The following ALDH4A1 variants were observed in gnomAD, a reference collection of about 807,000 sequenced individuals.
ALDH4A1 encodes the protein delta-1-pyrroline-5-carboxylate dehydrogenase, mitochondrial.
ALDH4A1 carries 46 observed loss-of-function variants against 70.5 expected under a neutral mutation model. That is an observed-to-expected ratio of 0.65 (90% CI 0.51 to 0.83). ALDH4A1 has a LOEUF of 0.83. Ranked by LOEUF, ALDH4A1 falls within the 40% of genes least tolerant of loss-of-function variation. The pLI is 0.00. For synonymous variants in ALDH4A1, 323 were observed against 324.3 expected, an observed-to-expected ratio of 1.00 and a Z score of 0.04; for missense variants, 749 against 766.5, an observed-to-expected ratio of 0.98 and a Z score of 0.27.
At position 18,876,433 on chromosome 1, in the gene ALDH4A1, G is replaced by A. The variant is rs568701898; in HGVS notation, c.1220C>T (p.Ala407Val). The change falls in exon 12 of 15, where the codon GCA becomes GTA. Residue 407 changes from alanine (A) to valine (V), a missense_variant. Ala to Val is a moderately conservative substitution (Grantham distance 64). Coordinates refer to ENST00000375341, the MANE Select transcript of ALDH4A1 (RefSeq NM_003748.4). ...GATGGTGAGGCTGGGTGAGGAGCGT[G>A]CGTGCTCCAGCCACTTCTTGATACG... ...FARIKKWLEHARSSPSLTILA... is the reference protein window; with the variant it reads ...FARIKKWLEHVRSSPSLTILA... 23 of 1,604,168 alleles carry A rather than the reference G, an allele frequency of 1.4e-5. No homozygotes were observed. Among genetic ancestry groups the A allele is most frequent in the Admixed American group, 3.4e-5 (2 of 59,006 alleles).
intron 5 of ALDH4A1, among the ~76,000 whole-genome samples, chr1:18,884,162 C>T (rs984911055): frequency 1.3e-5 from 2 of 152,204 alleles, no homozygotes; most frequent in Non-Finnish European, 2.9e-5. Context: ...AGGCCAAATA[C>T]AGAGAAAGCC....
intron 1 of ALDH4A1, among the ~76,000 whole-genome samples, chr1:18,897,412 G>A (rs151008209): frequency 0.014 from 2,205 of 152,268 alleles, 56 homozygotes; most frequent in African/African-American, 0.051. Flanking sequence ...ACGTGGTGGC[G>A]TGTGCCTGTA....
intron 1 of ALDH4A1, among the ~76,000 whole-genome samples, chr1:18,894,637 C>G (rs972812780): frequency 1.3e-5 from 2 of 152,180 alleles, no homozygotes; most frequent in African/African-American, 4.8e-5. Context: ...CCTCCCTCCT[C>G]CTTCCACAGG....
At chr1:18,877,127 G>A in intron 11 of ALDH4A1, 81 bp downstream of exon 11, 2 of 1,535,164 alleles carry the variant, frequency 1.3e-6, no homozygotes, top group South Asian at 2.4e-5. Flanking sequence ...CCTGGGTCAG[G>A]GTACCCTGTA....
chr1:18,899,838 A>G (rs1935741985), intron 1 of ALDH4A1, among the ~76,000 whole-genome samples: 2 of 152,230 alleles, frequency 1.3e-5, no homozygotes, highest in Non-Finnish European at 1.5e-5. Context: ...TTGACAAGGA[A>G]GGGCTCACAT....
At position 18,872,971 on chromosome 1, in the gene ALDH4A1, A is replaced by G. The variant is rs1229126353; in HGVS notation, c.1580-14T>C. 6.2e-7 allele frequency: 1 copy of G among 1,608,096 alleles called. No homozygotes were observed. Among genetic ancestry groups the G allele is most frequent in the Admixed American group, 1.7e-5 (1 of 60,012 alleles). On this transcript the variant is annotated splice_polypyrimidine_tract_variant and intron_variant, in intron 14 of 14. Transcript: ENST00000375341. ...TGTCATTGGTTCCTGCGGAAAAGAC[A>G]CTTCTGTTTTTCTCTGAAAAGATGC...
intron 7 of ALDH4A1, 113 bp downstream of exon 7, chr1:18,883,011 T>C (rs1935043958): frequency 2.8e-6 from 4 of 1,415,714 alleles, no homozygotes; most frequent in Non-Finnish European, 4.0e-6. Flanking sequence ...CCACCTTCTG[T>C]GCCTCTCCCC....
chr1:18,876,216 C>A, intron 12 of ALDH4A1, 99 bp downstream of exon 12: 1 of 1,496,692 alleles, frequency 6.7e-7, no homozygotes, highest in Non-Finnish European at 9.2e-7. Flanking sequence ...TTTAGGGCCT[C>A]ATCTGTGAAA....
intron 1 of ALDH4A1, among the ~76,000 whole-genome samples, chr1:18,897,480 T>G (rs1041119630): frequency 6.6e-6 from 1 of 152,132 alleles, no homozygotes; most frequent in Non-Finnish European, 1.5e-5. Flanking sequence ...GAGGTGAAGG[T>G]TGCAGTGAGC....
chr1:18,879,438 C>A, intron 8 of ALDH4A1, 65 bp from the exon 9 acceptor site: 2 of 1,439,644 alleles, frequency 1.4e-6, no homozygotes, highest in East Asian at 4.7e-5. Flanking sequence ...CGGAAAAGCC[C>A]AGGGAGGAGC....
chr1:18,883,934 G>A (rs1223863832), intron 5 of ALDH4A1, among the ~76,000 whole-genome samples: 2 of 152,172 alleles, frequency 1.3e-5, no homozygotes, highest in East Asian at 1.9e-4. Flanking sequence ...ACCAAGAGGC[G>A]AGTGACTGTG....
At chr1:18,877,698 T>A in intron 9 of ALDH4A1, 86 bp from the exon 10 acceptor site, 1 of 1,492,408 alleles carries the variant, frequency 6.7e-7, no homozygotes. Context: ...ACGCCATCCA[T>A]GGCCCGGGAC....
At chr1:18,878,870 C>T (rs940429856) in intron 9 of ALDH4A1, among the ~76,000 whole-genome samples, 6 of 152,204 alleles carry the variant, frequency 3.9e-5, no homozygotes, top group African/African-American at 1.4e-4. Context: ...CTCCTACCAG[C>T]CCTCCTCCCT....
chr1:18,886,579 G>A, intron 3 of ALDH4A1, 68 bp from the exon 4 acceptor site: 1 of 1,558,056 alleles, frequency 6.4e-7, no homozygotes. Flanking sequence ...AAGAGGACTG[G>A]ACTCAGAGCC....
chr1:18,883,057 CTCTG>C lies in ALDH4A1; in HGVS notation c.678+63_678+66del, dbSNP rs1217075580. 6.6e-5 allele frequency: 106 copies of C among 1,605,992 alleles called. 2 individuals carry two copies. In the South Asian group the frequency reaches 8.0e-4, roughly 12 times the overall value. Reference sequence around the variant, plus strand: ...TGAGACCCAAGGGGCTCAGGGTGGCCTCTGTCTGTCTGTTGGGACCAGGAGGACA... The same window carrying C: ...TGAGACCCAAGGGGCTCAGGGTGGCCTCTGTCTGTTGGGACCAGGAGGACA... On this transcript the variant is annotated intron_variant, in intron 7 of 14. Transcript: ENST00000375341.
chr1:18,902,543 T>G lies in ALDH4A1; in HGVS notation c.-20A>C. The G allele has an allele frequency of 6.7e-7, 1 of 1,481,808 alleles. No homozygotes were observed. Among genetic ancestry groups the G allele is most frequent in the Non-Finnish European group, 9.0e-7 (1 of 1,116,202 alleles). The allele number at this position is 1,481,808 out of a possible 1,614,324, so 91.8% of individuals were successfully genotyped here. On this transcript the variant is annotated 5_prime_UTR_variant, in exon 1 of 15. Coordinates refer to ENST00000375341, the MANE Select transcript of ALDH4A1 (RefSeq NM_003748.4). The stretch of plus-strand genomic sequence containing the variant: ...CAGCATCTCGGGTTAGAAGCGGGGC[T>G]GTTCGCTGGATCGTCCGCCCGGGCG...
At chr1:18,881,658 G>T (rs370737207) in intron 8 of ALDH4A1, 42 bp downstream of exon 8, 1 of 853,194 alleles carries the variant, frequency 1.2e-6, no homozygotes, top group Non-Finnish European at 1.6e-6. Flanking sequence ...GCAGGTGAAC[G>T]TCCCCTAGCC....
intron 1 of ALDH4A1, chr1:18,900,888 G>A (rs77287547): frequency 0.031 from 30,202 of 983,284 alleles, 538 homozygotes; most frequent in Middle Eastern, 0.063. Context: ...CTCGGTGTTA[G>A]GCCCATGGTG....
intron 1 of ALDH4A1, among the ~76,000 whole-genome samples, chr1:18,896,341 C>T (rs1364646234): frequency 6.6e-6 from 1 of 152,214 alleles, no homozygotes; most frequent in African/African-American, 2.4e-5. Context: ...GCCCCCAGGA[C>T]TGGACTCCAA....
Sources: allele counts gnomAD v4.1 joint callset (sites outside exome capture counted in the v4.1 genomes callset), GRCh38; gene constraint gnomAD v4.1.1; transcripts MANE v1.5; gene names NCBI Gene and HGNC (gene_info 2026-07-23, HGNC 2026-07-21).